Variants in KMO observed in about 807,000 individuals in gnomAD.
KMO encodes kynurenine 3-hydroxylase.
In KMO, 24 loss-of-function variants were observed where a neutral mutation model predicts 57.8. The observed-to-expected ratio is 0.42, with a 90% CI of 0.30 to 0.58. The LOEUF is 0.58. Ranked by LOEUF, KMO falls within the 20% of genes least tolerant of loss-of-function variation. The probability of loss-of-function intolerance (pLI) is 0.22; values close to 1 mark genes in which losing one functional copy is unlikely to be tolerated. For synonymous variants in KMO, 210 were observed against 193.6 expected (o/e 1.08, Z -0.70); for missense variants, 483 against 588.2 (o/e 0.82, Z 1.85).
At chr1:241,584,012 G>C (rs1422314925) in intron 10 of KMO, among the ~76,000 whole-genome samples, 2 of 151,748 alleles carry the variant, frequency 1.3e-5, no homozygotes, top group Non-Finnish European at 2.9e-5. Context: ...TAAGTTCTAG[G>C]GTACAGGTGC....
chr1:241,559,472 A>G (rs1037805742), intron 5 of KMO, among the ~76,000 whole-genome samples: 9 of 152,220 alleles, frequency 5.9e-5, no homozygotes, highest in African/African-American at 2.2e-4. Flanking sequence ...TTTCACAAAC[A>G]CATGTTATGT....
At chr1:241,577,192 C>A (rs77168546) in intron 10 of KMO, among the ~76,000 whole-genome samples, 6,201 of 152,044 alleles carry the variant, frequency 0.041, 330 homozygotes, top group African/African-American at 0.13. Flanking sequence ...CTGGCATGTT[C>A]TTGAGTAACT....
At chr1:241,588,877 T>C (rs1454145687) in intron 12 of KMO, 47 bp downstream of exon 12, 7 of 1,326,234 alleles carry the variant, frequency 5.3e-6, no homozygotes, top group Non-Finnish European at 7.6e-6. Flanking sequence ...TTCACTGATA[T>C]TCTAACAAGT....
At chr1:241,564,006 G>C (rs1045987602) in intron 7 of KMO, among the ~76,000 whole-genome samples, 8 of 152,200 alleles carry the variant, frequency 5.3e-5, no homozygotes, top group African/African-American at 1.9e-4. Flanking sequence ...TTGCCTATTG[G>C]ACTGCACTGT....
rs2147989400 is a variant in KMO at position 241,592,189 on chromosome 1, C to T, written c.*36C>T. ...TTGTGGTAGCAAATGCATGATTTCT[C>T]TGTGACCAAAATTAAGCATGAAAAA... On this transcript the variant is annotated 3_prime_UTR_variant, in exon 15 of 15. Coordinates refer to ENST00000366559, the MANE Select transcript of KMO (RefSeq NM_003679.5). 1.3e-6 allele frequency: 2 copies of T among 1,512,036 alleles called. No individual in the cohort carries two copies. The highest frequency in any genetic ancestry group is 1.8e-6 in the Non-Finnish European group (2 of 1,091,832). The allele number at this position is 1,512,036 out of a possible 1,614,324, so 93.7% of individuals were successfully genotyped here.
intron 10 of KMO, among the ~76,000 whole-genome samples, chr1:241,576,198 G>A (rs1385605959): frequency 6.6e-6 from 1 of 151,844 alleles, no homozygotes; most frequent in Non-Finnish European, 1.5e-5. Flanking sequence ...CTTGGTTTCT[G>A]ATGTTTTTAT....
At chr1:241,574,440 C>T (rs538296632) in intron 10 of KMO, among the ~76,000 whole-genome samples, 2 of 151,816 alleles carry the variant, frequency 1.3e-5, no homozygotes, top group African/African-American at 4.8e-5. Context: ...GAGGTTAGTC[C>T]CTTCTATGCC....
At chr1:241,591,631 C>A (rs1187735444) in intron 14 of KMO, among the ~76,000 whole-genome samples, 1 of 152,158 alleles carries the variant, frequency 6.6e-6, no homozygotes, top group Non-Finnish European at 1.5e-5. Flanking sequence ...CCCAGCACAG[C>A]AGTACTCTTC....
chr1:241,586,617 T>A, intron 10 of KMO, 62 bp from the exon 11 acceptor site: 1 of 1,094,970 alleles, frequency 9.1e-7, no homozygotes, highest in Middle Eastern at 2.3e-4. Context: ...TCAAAATCAA[T>A]AATAAGGGTT....
chr1:241,554,016 C>G (rs1426327050), intron 4 of KMO, among the ~76,000 whole-genome samples: 2 of 152,106 alleles, frequency 1.3e-5, no homozygotes, highest in Non-Finnish European at 2.9e-5. Flanking sequence ...AAATTATATG[C>G]TTTAAAGTTT....
intron 10 of KMO, among the ~76,000 whole-genome samples, chr1:241,581,050 C>T (rs757731231): frequency 1.3e-5 from 2 of 151,926 alleles, no homozygotes; most frequent in African/African-American, 4.8e-5. Flanking sequence ...ATTCTCTTAC[C>T]AAATTGACCT....
intron 1 of KMO, among the ~76,000 whole-genome samples, chr1:241,547,161 G>T (rs1204628544): frequency 6.6e-6 from 1 of 152,006 alleles, no homozygotes; most frequent in Admixed American, 6.6e-5. Context: ...AAAGACAAGA[G>T]ATCAGAAAAA....
intron 4 of KMO, among the ~76,000 whole-genome samples, chr1:241,553,262 A>G (rs982921201): frequency 6.6e-6 from 1 of 152,242 alleles, no homozygotes; most frequent in African/African-American, 2.4e-5. Context: ...ATATTTGGTT[A>G]TGATATAATA....
intron 1 of KMO, among the ~76,000 whole-genome samples, chr1:241,540,126 T>A (rs1347328507): frequency 6.6e-6 from 1 of 152,216 alleles, no homozygotes; most frequent in African/African-American, 2.4e-5. Context: ...GTATTTTATA[T>A]ACATAGAAAA....
chr1:241,534,328 T>C (rs1203874269), intron 1 of KMO, among the ~76,000 whole-genome samples: 3 of 152,158 alleles, frequency 2.0e-5, no homozygotes, highest in East Asian at 3.8e-4. Flanking sequence ...ATAACAAATA[T>C]GTGATTGTAT....
chr1:241,566,875 G>T (rs1210637663), intron 9 of KMO, among the ~76,000 whole-genome samples: 1 of 152,186 alleles, frequency 6.6e-6, no homozygotes, highest in Admixed American at 6.5e-5. Context: ...AGGCTCCTCA[G>T]GCTCCTTGGG....
chr1:241,554,278 CCT>C (rs1661523365), intron 4 of KMO, among the ~76,000 whole-genome samples: 2 of 150,604 alleles, frequency 1.3e-5, no homozygotes, highest in African/African-American at 2.4e-5. Context: ...TTCCTTCCTT[CCT>C]TCCTCCCTTC....
chr1:241,567,456 G>A (rs1465441702), intron 9 of KMO, among the ~76,000 whole-genome samples: 3 of 152,114 alleles, frequency 2.0e-5, no homozygotes. Flanking sequence ...CCACTCCCAA[G>A]ACCTAATCAC....
At chr1:241,541,309 C>T (rs911284671) in intron 1 of KMO, among the ~76,000 whole-genome samples, 10 of 152,060 alleles carry the variant, frequency 6.6e-5, no homozygotes, top group African/African-American at 2.2e-4. Context: ...AAATATTCAC[C>T]GAGCTACCCT....
Sources: gnomAD v4.1 joint callset for allele counts (sites outside exome capture counted in the v4.1 genomes callset) on GRCh38, gnomAD v4.1.1 for gene constraint, MANE v1.5 for transcripts, NCBI Gene and HGNC (gene_info 2026-07-23, HGNC 2026-07-21) for gene names.